Variants in PIEZO1 observed in about 807,000 individuals in gnomAD.
The protein encoded by PIEZO1 is piezo type mechanosensitive ion channel component 1 (Er blood group).
A neutral mutation model predicts 297.2 loss-of-function variants in PIEZO1; 296 were observed. That is an observed-to-expected ratio of 1.00 (90% confidence interval 0.91 to 1.10). The LOEUF is 1.10. PIEZO1 is among the 50% of genes least tolerant of loss of function. The pLI is 0.00. For synonymous variants in PIEZO1, 2,427 were observed against 1,507.5 expected (o/e 1.61, Z -14.13); for missense variants, 5,018 against 3,455.5 (o/e 1.45, Z -11.34).
At chr16:88,777,466 C>G (rs552158560) in intron 1 of PIEZO1, among the ~76,000 whole-genome samples, 3 of 151,660 alleles carry the variant, frequency 2.0e-5, no homozygotes, top group African/African-American at 7.3e-5. Context: ...GTCACTGGCC[C>G]GCAGACACAT....
At chr16:88,724,135 G>A (rs1219369390) in intron 30 of PIEZO1, among the ~76,000 whole-genome samples, 164 bp from the exon 31 acceptor site, 1 of 152,252 alleles carries the variant, frequency 6.6e-6, no homozygotes, top group African/African-American at 2.4e-5. Context: ...ACAAGACAGA[G>A]GTGGGCAGGG....
At chr16:88,728,568 C>A (rs1904620008) in intron 22 of PIEZO1, among the ~76,000 whole-genome samples, 1 of 99,284 alleles carries the variant, frequency 1.0e-5, no homozygotes, top group Non-Finnish European at 2.0e-5. Context: ...CAAAGTGACC[C>A]TCGATGTTGG....
At chr16:88,722,142 A>G (rs959398155) in intron 36 of PIEZO1, 76 bp from the exon 37 acceptor site, 2 of 1,521,282 alleles carry the variant, frequency 1.3e-6, no homozygotes, top group Non-Finnish European at 1.8e-6. Flanking sequence ...TGCCGGTCAC[A>G]GTCAGTCTCC....
At chr16:88,736,775 G>A (rs905990902) in intron 10 of PIEZO1, 36 bp from the exon 11 acceptor site, 1 of 1,348,188 alleles carries the variant, frequency 7.4e-7, no homozygotes, top group East Asian at 2.5e-5. Flanking sequence ...TCGGCAGGTT[G>A]ATCTGCAGGC....
At chr16:88,751,166 A>G (rs1035853689) in intron 1 of PIEZO1, among the ~76,000 whole-genome samples, 1 of 151,950 alleles carries the variant, frequency 6.6e-6, no homozygotes, top group African/African-American at 2.4e-5. Flanking sequence ...AGTCCCCAAG[A>G]CCCGAGCCTC....
At chr16:88,761,244 CA>C (rs1906919853) in intron 1 of PIEZO1, among the ~76,000 whole-genome samples, 1 of 152,250 alleles carries the variant, frequency 6.6e-6, no homozygotes, top group Admixed American at 6.5e-5. Context: ...GATTCTCCCA[CA>C]AGCCAGGGGT....
intron 1 of PIEZO1, among the ~76,000 whole-genome samples, chr16:88,781,286 C>A (rs1907924876): frequency 6.6e-6 from 1 of 152,204 alleles, no homozygotes; most frequent in Admixed American, 6.5e-5. Flanking sequence ...CCCACCCACC[C>A]CCAGAGGAAA....
intron 39 of PIEZO1, 44 bp from the exon 40 acceptor site, chr16:88,720,792 G>A: frequency 3.4e-6 from 5 of 1,452,204 alleles, no homozygotes; most frequent in Non-Finnish European, 4.5e-6. Flanking sequence ...CTGGGGACTG[G>A]GCCTGGCTCA....
rs1313005569 is a variant in PIEZO1 at position 88,716,667 on chromosome 16, C to T, written c.6818G>A (p.Ser2273Asn). The change falls in exon 47 of 51, where the codon AGC (serine) becomes AAC (asparagine). Residue 2273 changes from serine (S) to asparagine (N), a missense_variant. By Grantham distance (46) the Ser-to-Asn change is conservative. Coordinates refer to ENST00000301015, the MANE Select transcript of PIEZO1 (RefSeq NM_001142864.4). Reference protein sequence around the residue: ...EDIVTAQIEGSSGALWRISPP... With the variant: ...EDIVTAQIEGNSGALWRISPP... ...ACTGATGCGCCACAGCGCCCCGGAG[C>T]TGCCCTCAATCTGCGCCGTGACGAT... 14 of 1,549,212 alleles carry T rather than the reference C, an allele frequency of 9.0e-6. No homozygotes were observed. The highest frequency in any genetic ancestry group is 1.2e-5 in the Non-Finnish European group (14 of 1,146,932).
chr16:88,743,669 G>A (rs992070448), intron 2 of PIEZO1: 4 of 456,560 alleles, frequency 8.8e-6, no homozygotes, highest in Non-Finnish European at 1.8e-5. Flanking sequence ...CTGGAGCAAA[G>A]ACTCATGACC....
At position 88,722,382 on chromosome 16, in the gene PIEZO1, C is replaced by T; in HGVS notation, c.4791G>A (p.Glu1597=). Residue 1597 remains glutamate, a synonymous_variant, in exon 36 of 51, where the codon GAG becomes GAA. Transcript: ENST00000301015. ...CGTCTGTCATGCTGCTGAGTGGCTC[C>T]TCCGCGCCCAGCCCACTGGGGAGGG... is the stretch of plus-strand genomic sequence containing the variant. ...PSTVSSGLGA[E]EPLSSMTDDM... 1 of 1,507,766 alleles carries T rather than the reference C, an allele frequency of 6.6e-7. No individual in the cohort carries two copies. The highest frequency in any genetic ancestry group is 8.9e-7 in the Non-Finnish European group (1 of 1,124,074). 93.4% of individuals were successfully genotyped at this position (1,507,766 alleles called of 1,614,324 possible). A position where few individuals can be genotyped will look rare whatever the true frequency, so the allele number is the denominator to read the frequency against.
intron 39 of PIEZO1, 82 bp downstream of exon 39, chr16:88,721,084 C>A: frequency 7.4e-7 from 1 of 1,351,636 alleles, no homozygotes; most frequent in Admixed American, 2.8e-5. Context: ...GCTTGGCCGT[C>A]TCATCTGAGA....
intron 19 of PIEZO1, 79 bp from the exon 20 acceptor site, chr16:88,732,811 A>G (rs567618079): frequency 1.4e-6 from 2 of 1,385,156 alleles, no homozygotes; most frequent in Non-Finnish European, 1.9e-6. Context: ...CCACAGCCAC[A>G]GCTCTGGGGC....
chr16:88,737,899 C>T (rs1210597884), intron 8 of PIEZO1, 35 bp downstream of exon 8: 1 of 1,530,416 alleles, frequency 6.5e-7, no homozygotes, highest in Non-Finnish European at 8.8e-7. Context: ...CATGGCCTGG[C>T]CTCAGCCCAC....
intron 5 of PIEZO1, chr16:88,740,497 G>A (rs1486052989): frequency 6.6e-6 from 1 of 152,330 alleles, no homozygotes; most frequent in African/African-American, 2.4e-5. Context: ...CAGTCCTCAT[G>A]AGCGCTGGAC....
chr16:88,719,770 C>T (rs769245112), intron 43 of PIEZO1, 32 bp downstream of exon 43: 35 of 1,550,174 alleles, frequency 2.3e-5, no homozygotes, highest in African/African-American at 1.1e-4. Flanking sequence ...ATGCCCGGGC[C>T]GTGACCCCCA....
rs190051638 is a variant in PIEZO1, at chr16:88,720,059, G to C, written c.6164+10C>G. 6.5e-7 allele frequency: 1 copy of C among 1,549,910 alleles called. No homozygotes were observed. The highest frequency in any genetic ancestry group is 2.4e-5 in the East Asian group (1 of 40,936). On this transcript the variant is annotated intron_variant, in intron 42 of 50. Coordinates refer to ENST00000301015, the MANE Select transcript of PIEZO1 (RefSeq NM_001142864.4). ...CCCTGGAGACCGAGCGCCCCCACGC[G>C]TGGGCCCACCTCTCAGTGACGGCGG...
At chr16:88,777,388 C>T (rs1487461533) in intron 1 of PIEZO1, among the ~76,000 whole-genome samples, 1 of 152,230 alleles carries the variant, frequency 6.6e-6, no homozygotes, top group Non-Finnish European at 1.5e-5. Context: ...CTCATTGTCA[C>T]TGGCCCGCAG....
chr16:88,770,093 G>A (rs1370180862), intron 1 of PIEZO1, among the ~76,000 whole-genome samples: 1 of 152,126 alleles, frequency 6.6e-6, no homozygotes, highest in Non-Finnish European at 1.5e-5. Flanking sequence ...CTCCCAGGGT[G>A]TTCTCCCTGC....
Sources: allele counts gnomAD v4.1 joint callset (sites outside exome capture counted in the v4.1 genomes callset), GRCh38; gene constraint gnomAD v4.1.1; transcripts MANE v1.5; gene names NCBI Gene and HGNC (gene_info 2026-07-23, HGNC 2026-07-21).